The following PPP3CC variants were observed in gnomAD, a reference collection of about 807,000 sequenced individuals.
PPP3CC encodes serine/threonine-protein phosphatase 2B catalytic subunit gamma isoform.
In PPP3CC, 35 loss-of-function variants were observed where a neutral mutation model predicts 60.3. The ratio of observed to expected loss-of-function variants is 0.58; its 90% CI spans 0.44 to 0.77. The LOEUF is 0.77. Ranked by LOEUF, PPP3CC falls within the 30% of genes least tolerant of loss-of-function variation. PPP3CC has a pLI of 0.00. For missense variants in PPP3CC, 570 were observed against 628.9 expected (o/e 0.91, Z 1.00); for synonymous variants, 206 against 224.3 (o/e 0.92, Z 0.73).
intron 1 of PPP3CC, among the ~76,000 whole-genome samples, chr8:22,458,627 A>G (rs1312463177): frequency 6.6e-6 from 1 of 151,634 alleles, no homozygotes; most frequent in Admixed American, 6.6e-5. Flanking sequence ...ATAAAAATAA[A>G]TAAATAAAAT....
intron 4 of PPP3CC, among the ~76,000 whole-genome samples, chr8:22,503,561 G>A (rs1313859433): frequency 1.3e-5 from 2 of 151,968 alleles, no homozygotes; most frequent in Non-Finnish European, 2.9e-5. Context: ...TATATAGTAG[G>A]TGTATCTATT....
intron 3 of PPP3CC, among the ~76,000 whole-genome samples, chr8:22,484,315 T>C (rs1838160097): frequency 6.6e-6 from 1 of 152,102 alleles, no homozygotes; most frequent in Non-Finnish European, 1.5e-5. Context: ...GAGATTTTAT[T>C]ATGTAGACAC....
chr8:22,457,411 T>C (rs1837235789), intron 1 of PPP3CC, among the ~76,000 whole-genome samples: 1 of 151,952 alleles, frequency 6.6e-6, no homozygotes, highest in South Asian at 2.1e-4. Context: ...CAAGTGATTC[T>C]CCTGCCTCAG....
chr8:22,447,341 G>A (rs992122898), intron 1 of PPP3CC, among the ~76,000 whole-genome samples: 1 of 151,738 alleles, frequency 6.6e-6, no homozygotes, highest in African/African-American at 2.4e-5. Context: ...CACCATGCCC[G>A]GCTAATTTTT....
intron 1 of PPP3CC, among the ~76,000 whole-genome samples, chr8:22,449,484 A>G (rs1304984910): frequency 6.6e-6 from 1 of 151,610 alleles, no homozygotes; most frequent in African/African-American, 2.4e-5. Context: ...GAAATGCCTC[A>G]AAACAGCTAC....
At position 22,475,571 on chromosome 8, in the gene PPP3CC, A is replaced by G. The variant is rs1330362107; in HGVS notation, c.319A>G (p.Thr107Ala). 6.2e-7 allele frequency: 1 copy of G among 1,613,002 alleles called. No homozygotes were observed. The highest frequency in any genetic ancestry group is 1.3e-5 in the African/African-American group (1 of 74,920). ...LFEVGGSPSN[T>A]RYLFLGDYVD... ...TGAAGTTGGAGGATCACCTAGTAAC[A>G]CACGCTACCTCTTTCTGGGTGACTA... Residue 107 changes from threonine (T) to alanine (A), a missense_variant, in exon 3 of 14, where the codon ACA becomes GCA. Thr to Ala is a moderately conservative substitution (Grantham distance 58). Coordinates refer to ENST00000240139, the MANE Select transcript of PPP3CC (RefSeq NM_005605.5).
intron 6 of PPP3CC, among the ~76,000 whole-genome samples, chr8:22,518,543 A>T (rs1042625834): frequency 3.9e-5 from 6 of 152,138 alleles, no homozygotes; most frequent in African/African-American, 1.4e-4. Flanking sequence ...GAAGAATTCT[A>T]TTCTTCTGTT....
In PPP3CC at chr8:22,468,172, C is replaced by T. The variant is rs143582008; in HGVS notation, c.50-6782C>T. Reference sequence around the variant, plus strand: ...AGGCTGGAGTGCAGTGGTGCAATCTCGGCTCACTGCAACCTCTGCCTCCCG... The same window carrying T: ...AGGCTGGAGTGCAGTGGTGCAATCTTGGCTCACTGCAACCTCTGCCTCCCG... On this transcript the variant is annotated intron_variant, in intron 1 of 13. Coordinates refer to ENST00000240139, the MANE Select transcript of PPP3CC (RefSeq NM_005605.5). Among the ~76,000 whole-genome samples, 850 of 152,188 alleles carry T rather than the reference C, an allele frequency of 5.6e-3. 7 individuals carry two copies. Among genetic ancestry groups the T allele is most frequent in the African/African-American group, 0.019 (791 of 41,512 alleles).
chr8:22,489,488 T>C (rs1838315835), intron 3 of PPP3CC, among the ~76,000 whole-genome samples: 1 of 150,234 alleles, frequency 6.7e-6, no homozygotes, highest in Admixed American at 6.7e-5. Flanking sequence ...CAACAGTGCC[T>C]GTGTTAGATT....
rs114430214 is a variant in PPP3CC, at chr8:22,479,512, G to A, written c.372+3888G>A. ...TCAAATAAAATAGAGACAAATCTCT[G>A]AAATTAAAACATTTTATCTGAGAAG... On this transcript the variant is annotated intron_variant, in intron 3 of 13. Transcript: ENST00000240139. Among the ~76,000 whole-genome samples the A allele has an allele frequency of 3.1e-3, 473 of 152,072 alleles. 3 individuals are homozygous for A. Among genetic ancestry groups the A allele is most frequent in the African/African-American group, 0.011 (448 of 41,542 alleles).
intron 3 of PPP3CC, among the ~76,000 whole-genome samples, chr8:22,478,819 C>T (rs546785786): frequency 1.3e-5 from 2 of 152,196 alleles, no homozygotes; most frequent in Non-Finnish European, 2.9e-5. Flanking sequence ...TAGGACTTAG[C>T]ACAGTGCCTA....
At chr8:22,489,716 TATATTATATATTATATATATA>T in intron 3 of PPP3CC, among the ~76,000 whole-genome samples, 1 of 140,808 alleles carries the variant, frequency 7.1e-6, no homozygotes, top group East Asian at 2.0e-4. Context: ...TATATAAGTA[TATATTATATATTATATATATA>T]ATAAGTATAT....
intron 1 of PPP3CC, among the ~76,000 whole-genome samples, chr8:22,474,329 A>T (rs1038211826): frequency 6.6e-6 from 1 of 152,184 alleles, no homozygotes; most frequent in African/African-American, 2.4e-5. Context: ...AGATAGAAAA[A>T]CAAAGATACT....
Position 22,475,122 on chromosome 8 carries a change from CTA to C in PPP3CC, c.220_221del (p.Met74AspfsTer12). The C allele has an allele frequency of 6.2e-7, 1 of 1,612,446 alleles. No homozygotes were observed. Among genetic ancestry groups the C allele is most frequent in the Non-Finnish European group, 8.5e-7 (1 of 1,178,972 alleles). ...GCTGCCATCCTGAGGCAAGAGAAGA[CTA>C]TGATAGAAGTAGATGCTCCAATCAC... On this transcript the variant is annotated frameshift_variant, in exon 2 of 14. Transcript: ENST00000240139. LOFTEE classifies it high-confidence loss of function.
chr8:22,459,154 A>G (rs991600047), intron 1 of PPP3CC, among the ~76,000 whole-genome samples: 2 of 151,848 alleles, frequency 1.3e-5, no homozygotes, highest in Admixed American at 6.6e-5. Flanking sequence ...GCAGCCTGGA[A>G]CTCCTGGGCC....
At chr8:22,489,941 C>T (rs569074424) in intron 3 of PPP3CC, among the ~76,000 whole-genome samples, 3 of 151,032 alleles carry the variant, frequency 2.0e-5, no homozygotes, top group Non-Finnish European at 4.4e-5. Flanking sequence ...CCTGCCTCAG[C>T]CTCTCCAGTA....
chr8:22,507,021 A>G (rs1420908115), intron 4 of PPP3CC, among the ~76,000 whole-genome samples: 1 of 152,092 alleles, frequency 6.6e-6, no homozygotes, highest in Non-Finnish European at 1.5e-5. Flanking sequence ...TGGGAGGCTG[A>G]GGTGGGAGGA....
At chr8:22,535,513 T>C (rs542863351) in intron 12 of PPP3CC, among the ~76,000 whole-genome samples, 62 of 152,252 alleles carry the variant, frequency 4.1e-4, no homozygotes, top group Non-Finnish European at 6.6e-4. Flanking sequence ...TCTTTTTTTT[T>C]CCCAAGAGAC....
Position 22,475,575 on chromosome 8 carries a change from G to T in PPP3CC, c.323G>T (p.Arg108Leu), listed in dbSNP as rs1265047172. ...GTTGGAGGATCACCTAGTAACACAC[G>T]CTACCTCTTTCTGGGTGACTATGTG... is the stretch of plus-strand genomic sequence containing the variant. The part of the protein sequence containing the change: ...FEVGGSPSNT[R>L]YLFLGDYVDR... Residue 108 changes from arginine (R) to leucine (L), a missense_variant, in exon 3 of 14, where the codon CGC becomes CTC. Physicochemically the swap from Arg to Leu is moderately radical, Grantham distance 102 (BLOSUM62 -2). Coordinates refer to ENST00000240139, the MANE Select transcript of PPP3CC (RefSeq NM_005605.5). 2 of 1,612,872 alleles carry T rather than the reference G, an allele frequency of 1.2e-6. No homozygotes were observed. Among genetic ancestry groups the T allele is most frequent in the South Asian group, 2.2e-5 (2 of 91,038 alleles).
Sources: allele counts gnomAD v4.1 joint callset (sites outside exome capture counted in the v4.1 genomes callset), GRCh38; gene constraint gnomAD v4.1.1; transcripts MANE v1.5; gene names NCBI Gene and HGNC (gene_info 2026-07-23, HGNC 2026-07-21).